Variants in ARHGEF10L observed in about 807,000 individuals in gnomAD.
The protein encoded by ARHGEF10L is rho guanine nucleotide exchange factor 10-like protein.
A neutral mutation model predicts 141.2 loss-of-function variants in ARHGEF10L; 69 were observed. The ratio of observed to expected loss-of-function variants is 0.49; its 90% CI spans 0.40 to 0.60. The LOEUF is 0.60. ARHGEF10L is among the 20% of genes least tolerant of loss of function. The pLI is 0.00. For synonymous variants in ARHGEF10L, 711 were observed against 718.5 expected (o/e 0.99, Z 0.17); for missense variants, 1,482 against 1,734.3 (o/e 0.85, Z 2.58).
intron 26 of ARHGEF10L, among the ~76,000 whole-genome samples, chr1:17,685,027 C>A (rs185103035): frequency 6.6e-6 from 1 of 152,294 alleles, no homozygotes; most frequent in Admixed American, 6.5e-5. Context: ...ATGGAGACCC[C>A]CGCCCCTCAC....
chr1:17,678,576 C>T (rs1014568021), intron 26 of ARHGEF10L, among the ~76,000 whole-genome samples: 1 of 152,112 alleles, frequency 6.6e-6, no homozygotes, highest in African/African-American at 2.4e-5. Context: ...TGCGCCACCA[C>T]CCCTGGCTAA....
At chr1:17,686,594 C>CG (rs925781904) in intron 26 of ARHGEF10L, among the ~76,000 whole-genome samples, 6 of 151,692 alleles carry the variant, frequency 4.0e-5, no homozygotes, top group East Asian at 1.9e-4. Context: ...GAGGACAGTT[C>CG]GGGGGGGCAG....
intron 8 of ARHGEF10L, 74 bp from the exon 9 acceptor site, chr1:17,616,020 G>T (rs998279523): frequency 2.3e-6 from 3 of 1,286,426 alleles, no homozygotes; most frequent in African/African-American, 2.9e-5. Flanking sequence ...CCGAGGCCTG[G>T]GGAGGCGGGT....
chr1:17,683,091 G>A (rs916045972), intron 26 of ARHGEF10L, among the ~76,000 whole-genome samples: 8 of 148,380 alleles, frequency 5.4e-5, no homozygotes, highest in African/African-American at 2.1e-4. Flanking sequence ...TCTCACCAGG[G>A]TGCTCACTGC....
chr1:17,642,044 A>AT (rs1229952516), intron 21 of ARHGEF10L, among the ~76,000 whole-genome samples: 5 of 152,202 alleles, frequency 3.3e-5, no homozygotes. Context: ...GTTTTCATTA[A>AT]TGGAAAAAAC....
rs2065531117 is a variant in ARHGEF10L, at chr1:17,696,727, C to T, written c.3308-121C>T. ...CTGTGGCCTTCGGGGGAGGTGCCAACATAGACAGAAGTGACCCCCCCAAAT... is the reference window on the plus strand; with the variant it reads ...CTGTGGCCTTCGGGGGAGGTGCCAATATAGACAGAAGTGACCCCCCCAAAT... On this transcript the variant is annotated intron_variant, in intron 28 of 28. Coordinates refer to ENST00000361221, the MANE Select transcript of ARHGEF10L (RefSeq NM_018125.4). 2.8e-6 allele frequency: 3 copies of T among 1,069,350 alleles called. No individual in the cohort carries two copies. The Admixed American group carries it at 8.8e-5, about 31-fold the overall frequency. The allele number at this position is 1,069,350 out of a possible 1,614,324, so 66.2% of individuals were successfully genotyped here.
intron 25 of ARHGEF10L, among the ~76,000 whole-genome samples, chr1:17,664,235 C>T (rs1036836739): frequency 1.3e-5 from 2 of 152,056 alleles, no homozygotes; most frequent in African/African-American, 2.4e-5. Flanking sequence ...AGGGACGAAT[C>T]TGAGAGTAGG....
In ARHGEF10L at chr1:17,602,203, A is replaced by G; in HGVS notation, c.334A>G (p.Lys112Glu). The G allele has an allele frequency of 6.4e-7, 1 of 1,574,716 alleles. No homozygotes were observed. The highest frequency in any genetic ancestry group is 1.2e-5 in the South Asian group (1 of 85,858). ...SGARHSSWKR[K>E]SSRRIDRFTF... ...GGCCCGGCACTCCAGCTGGAAGCGG[A>G]AGAGTTCCCGTCGCAGTAAGTCTCC... The change falls in exon 5 of 29, where the codon AAG (lysine) becomes GAG (glutamate). Residue 112 changes from lysine to glutamate, a missense_variant. Lys to Glu is a moderately conservative substitution (Grantham distance 56). Around this residue, in one of 3 missense-constraint regions of ARHGEF10L, gnomAD observed 232 missense variants for 225.9 expected, o/e 1.03. Transcript: ENST00000361221.
At chr1:17,629,102 C>A (rs1408524647) in intron 15 of ARHGEF10L, among the ~76,000 whole-genome samples, 1 of 152,152 alleles carries the variant, frequency 6.6e-6, no homozygotes, top group African/African-American at 2.4e-5. Context: ...CTCACTGCAG[C>A]CTTGAGCTCC....
rs544114907 is a variant in ARHGEF10L at position 17,601,065 on chromosome 1, A to C, written c.258-1062A>C. On this transcript the variant is annotated intron_variant, in intron 4 of 28. Transcript: ENST00000361221. ...GCTCTGTCTCAAAAAAAAAAAAAAA[A>C]AAACAAAAAACAAAAAACTCTAAAA... Among the ~76,000 whole-genome samples the C allele has an allele frequency of 3.7e-3, 536 of 143,912 alleles. 8 individuals carry two copies. Among genetic ancestry groups the C allele is most frequent in the South Asian group, 0.021 (98 of 4,634 alleles). 94.4% of individuals were successfully genotyped at this position (143,912 alleles called of 152,430 possible).
chr1:17,608,315 C>T (rs2081362232), intron 7 of ARHGEF10L, among the ~76,000 whole-genome samples: 2 of 152,196 alleles, frequency 1.3e-5, no homozygotes, highest in Non-Finnish European at 2.9e-5. Context: ...CTCAACGCCG[C>T]ACTCCAGGTA....
intron 1 of ARHGEF10L, among the ~76,000 whole-genome samples, chr1:17,554,487 C>T (rs1000697640): frequency 6.6e-6 from 1 of 151,966 alleles, no homozygotes. Flanking sequence ...GGGACTTACC[C>T]TAGGTCACAC....
chr1:17,552,620 C>G (rs1413401122), intron 1 of ARHGEF10L, among the ~76,000 whole-genome samples: 1 of 117,042 alleles, frequency 8.5e-6, no homozygotes, highest in East Asian at 3.1e-4. Context: ...TACAGGGTTT[C>G]ACCATATCAG....
the ARHGEF10L span, among the ~76,000 whole-genome samples, chr1:17,516,835 G>A: frequency 3.9e-5 from 6 of 152,118 alleles, no homozygotes; most frequent in African/African-American, 1.2e-4. Context: ...TGGAGCAGCC[G>A]GTTTCCACCT....
intron 1 of ARHGEF10L, among the ~76,000 whole-genome samples, chr1:17,570,436 G>A (rs548859772): frequency 9.2e-5 from 14 of 152,232 alleles, no homozygotes; most frequent in African/African-American, 3.1e-4. Flanking sequence ...GGAACAGCAA[G>A]TGCAAAGGCC....
At chr1:17,695,031 C>A in intron 27 of ARHGEF10L, 127 bp from the exon 28 acceptor site, 1 of 1,416,282 alleles carries the variant, frequency 7.1e-7, no homozygotes, top group Non-Finnish European at 9.9e-7. Flanking sequence ...TTCCCCACCC[C>A]ACCGCCCAAC....
intron 4 of ARHGEF10L, among the ~76,000 whole-genome samples, chr1:17,592,652 A>G (rs2079652520): frequency 6.6e-6 from 1 of 152,094 alleles, no homozygotes; most frequent in Non-Finnish European, 1.5e-5. Context: ...GGCTCATGGG[A>G]AGGGCAGGTC....
At chr1:17,613,972 G>A (rs1437025093) in intron 8 of ARHGEF10L, among the ~76,000 whole-genome samples, 1 of 152,234 alleles carries the variant, frequency 6.6e-6, no homozygotes, top group Non-Finnish European at 1.5e-5. Context: ...GCTGTGCTGG[G>A]TCTAGAAGCT....
chr1:17,638,936 T>C (rs2061173282), intron 20 of ARHGEF10L, among the ~76,000 whole-genome samples: 1 of 152,230 alleles, frequency 6.6e-6, no homozygotes, highest in South Asian at 2.1e-4. Flanking sequence ...CCTGGCCCAC[T>C]GTTAGGATAC....
Sources: allele counts gnomAD v4.1 joint callset (sites outside exome capture counted in the v4.1 genomes callset), GRCh38; gene constraint gnomAD v4.1.1; regional missense constraint gnomAD v4.1.1; transcripts MANE v1.5; gene names NCBI Gene and HGNC (gene_info 2026-07-23, HGNC 2026-07-21).